GALNT1: variants seen among roughly 807,000 people sequenced by gnomAD.
The protein encoded by GALNT1 is polypeptide N-acetylgalactosaminyltransferase 1.
A neutral mutation model predicts 65.7 loss-of-function variants in GALNT1; 17 were observed. That is an observed-to-expected ratio of 0.26 (90% confidence interval 0.18 to 0.39). The LOEUF (loss-of-function observed/expected upper bound fraction) is 0.39, where lower values mean the gene tolerates loss of function less well. GALNT1 is among the 10% of genes least tolerant of loss of function. The probability of loss-of-function intolerance (pLI) is 1.00; values close to 1 mark genes in which losing one functional copy is unlikely to be tolerated. For missense variants in GALNT1, 460 were observed against 672.8 expected, an observed-to-expected ratio of 0.68 and a Z score of 3.50; for synonymous variants, 210 against 219.7, an observed-to-expected ratio of 0.96 and a Z score of 0.39.
intron 9 of GALNT1, among the ~76,000 whole-genome samples, chr18:35,693,153 A>G (rs1024140549): frequency 2.6e-5 from 4 of 152,058 alleles, no homozygotes; most frequent in African/African-American, 9.7e-5. Context: ...AAGTTGAAAG[A>G]GTACGGAAGT....
chr18:35,681,918 C>G (rs554952045), intron 4 of GALNT1, among the ~76,000 whole-genome samples: 4 of 152,150 alleles, frequency 2.6e-5, no homozygotes, highest in African/African-American at 9.6e-5. Context: ...ATTTTCATTT[C>G]TAAATTATGC....
intron 1 of GALNT1, among the ~76,000 whole-genome samples, chr18:35,589,289 T>C (rs1342686638): frequency 2.0e-5 from 3 of 152,166 alleles, no homozygotes; most frequent in Non-Finnish European, 2.9e-5. Context: ...CTTGGCCTTC[T>C]CAACACCACC....
At chr18:35,685,950 C>A (rs1328434138) in intron 5 of GALNT1, among the ~76,000 whole-genome samples, 1 of 152,098 alleles carries the variant, frequency 6.6e-6, no homozygotes, top group Non-Finnish European at 1.5e-5. Flanking sequence ...TGCCTATAGT[C>A]CCAACTACTT....
intron 9 of GALNT1, among the ~76,000 whole-genome samples, chr18:35,701,229 G>A (rs1372873251): frequency 2.6e-5 from 4 of 152,118 alleles, no homozygotes; most frequent in African/African-American, 9.7e-5. Context: ...GAGCCACCAT[G>A]CCTAAGATTT....
intron 1 of GALNT1, among the ~76,000 whole-genome samples, chr18:35,606,246 A>G (rs557989969): frequency 1.3e-5 from 2 of 152,188 alleles, no homozygotes; most frequent in Non-Finnish European, 2.9e-5. Context: ...TTCTGCTCAC[A>G]CTTGGCCAAA....
At chr18:35,627,404 G>A (rs1454557734) in intron 1 of GALNT1, 1 of 152,160 alleles carries the variant, frequency 6.6e-6, no homozygotes, top group African/African-American at 2.4e-5. Flanking sequence ...AAAATAAACT[G>A]ATTTTAGGAC....
At chr18:35,684,879 C>A (rs895832561) in intron 5 of GALNT1, among the ~76,000 whole-genome samples, 2 of 152,166 alleles carry the variant, frequency 1.3e-5, no homozygotes, top group Non-Finnish European at 2.9e-5. Flanking sequence ...AAACCTAGGT[C>A]CTGCCTCAGG....
At chr18:35,702,003 C>A (rs549647050) in intron 9 of GALNT1, among the ~76,000 whole-genome samples, 1 of 152,288 alleles carries the variant, frequency 6.6e-6, no homozygotes, top group East Asian at 1.9e-4. Context: ...CATTACCCCC[C>A]CAGTTCCTGA....
At chr18:35,589,069 G>A (rs1445982337) in intron 1 of GALNT1, among the ~76,000 whole-genome samples, 1 of 152,160 alleles carries the variant, frequency 6.6e-6, no homozygotes, top group Non-Finnish European at 1.5e-5. Flanking sequence ...CCTGGCGGGG[G>A]AAGGTTGGTG....
intron 2 of GALNT1, among the ~76,000 whole-genome samples, chr18:35,656,492 G>GT (rs150823581): frequency 0.015 from 2,357 of 152,346 alleles, 29 homozygotes; most frequent in African/African-American, 0.027. Context: ...CAATAAGGAA[G>GT]TATGTTCCAG....
At chr18:35,641,657 T>C (rs1449401845) in intron 1 of GALNT1, among the ~76,000 whole-genome samples, 1 of 152,194 alleles carries the variant, frequency 6.6e-6, no homozygotes, top group Admixed American at 6.5e-5. Flanking sequence ...TACATCAGAT[T>C]GTCAAAAATA....
intron 2 of GALNT1, among the ~76,000 whole-genome samples, 160 bp from the exon 3 acceptor site, chr18:35,663,468 A>C (rs1372908755): frequency 1.3e-5 from 2 of 152,194 alleles, no homozygotes; most frequent in Admixed American, 6.5e-5. Flanking sequence ...GGTAGAGGAC[A>C]AGACAGCCCC....
chr18:35,636,497 TG>T (rs1226320710), intron 1 of GALNT1, among the ~76,000 whole-genome samples: 1 of 152,228 alleles, frequency 6.6e-6, no homozygotes, highest in African/African-American at 2.4e-5. Flanking sequence ...TCATAAAACC[TG>T]TTCAGAAACT....
chr18:35,603,953 G>T (rs944728460), intron 1 of GALNT1, among the ~76,000 whole-genome samples: 7 of 152,112 alleles, frequency 4.6e-5, no homozygotes, highest in Admixed American at 4.6e-4. Context: ...AGGTTCGGGG[G>T]TACATGTGCA....
intron 1 of GALNT1, among the ~76,000 whole-genome samples, chr18:35,621,975 C>A (rs538519656): frequency 2.6e-4 from 39 of 152,202 alleles, no homozygotes; most frequent in African/African-American, 9.4e-4. Flanking sequence ...AAATTAGTTA[C>A]CATATCTTGA....
At chr18:35,652,374 G>T (rs1019691287) in intron 1 of GALNT1, among the ~76,000 whole-genome samples, 1 of 152,154 alleles carries the variant, frequency 6.6e-6, no homozygotes, top group African/African-American at 2.4e-5. Context: ...TCTCAGAGGG[G>T]TCTGTTTTCT....
intron 1 of GALNT1, among the ~76,000 whole-genome samples, chr18:35,651,967 A>G (rs183998020): frequency 6.6e-6 from 1 of 152,264 alleles, no homozygotes; most frequent in East Asian, 1.9e-4. Context: ...GACAATTGCA[A>G]ACATTGGTGG....
chr18:35,708,787 A>T (rs1255209446), intron 11 of GALNT1, among the ~76,000 whole-genome samples: 1 of 152,246 alleles, frequency 6.6e-6, no homozygotes, highest in Non-Finnish European at 1.5e-5. Context: ...TAGAACTTAA[A>T]TAAGTGGATA....
chr18:35,682,908 T>TAA (rs34199709), intron 4 of GALNT1, among the ~76,000 whole-genome samples: 1,847 of 118,436 alleles, frequency 0.016, 43 homozygotes, highest in African/African-American at 0.026. Flanking sequence ...GCCCCCTGAT[T>TAA]AAAAAAAAAA....
Sources: gnomAD v4.1 joint callset for allele counts (sites outside exome capture counted in the v4.1 genomes callset) on GRCh38, gnomAD v4.1.1 for gene constraint, MANE v1.5 for transcripts, NCBI Gene and HGNC (gene_info 2026-07-23, HGNC 2026-07-21) for gene names.